The following DLGAP2 variants were observed in gnomAD, a reference collection of about 807,000 sequenced individuals.
DLGAP2 encodes DLG associated protein 2.
DLGAP2 carries 26 observed loss-of-function variants against 100.3 expected under a neutral mutation model. That is an observed-to-expected ratio of 0.26 (90% CI 0.19 to 0.36). The LOEUF is 0.36. Ranked by LOEUF, DLGAP2 falls within the 10% of genes least tolerant of loss-of-function variation. DLGAP2 has a pLI of 1.00. For missense variants in DLGAP2, 1,858 were observed against 1,453.2 expected (o/e 1.28, Z -4.53); for synonymous variants, 886 against 630.1 (o/e 1.41, Z -6.08).
chr8:1,041,386 C>T (rs531463100), intron 2 of DLGAP2, among the ~76,000 whole-genome samples: 5 of 152,322 alleles, frequency 3.3e-5, no homozygotes, highest in East Asian at 1.9e-4. Flanking sequence ...TGTCGACATC[C>T]GCCCTGGCCA....
intron 2 of DLGAP2, among the ~76,000 whole-genome samples, chr8:1,254,788 C>T (rs1310578770): frequency 6.6e-6 from 1 of 151,352 alleles, no homozygotes; most frequent in Non-Finnish European, 1.5e-5. Context: ...ATTTTAGCTT[C>T]CCTGGCCCAC....
intron 1 of DLGAP2, among the ~76,000 whole-genome samples, chr8:897,496 T>C (rs1272147615): frequency 2.6e-5 from 4 of 152,352 alleles, no homozygotes; most frequent in Admixed American, 6.5e-5. Flanking sequence ...TTGTGCAGAC[T>C]AGCTGGACGT....
At chr8:1,697,768 T>C (rs1364077209) in intron 14 of DLGAP2, among the ~76,000 whole-genome samples, 1 of 152,196 alleles carries the variant, frequency 6.6e-6, no homozygotes, top group Non-Finnish European at 1.5e-5. Flanking sequence ...CAAGGCGACA[T>C]TTTATACCTT....
chr8:1,392,709 G>A (rs180964147), intron 3 of DLGAP2, among the ~76,000 whole-genome samples: 9 of 152,220 alleles, frequency 5.9e-5, no homozygotes, highest in Admixed American at 3.3e-4. Context: ...GCACATCTGC[G>A]TTTCAGTGGA....
intron 2 of DLGAP2, among the ~76,000 whole-genome samples, chr8:1,257,607 C>T (rs375158928): frequency 1.3e-5 from 2 of 152,190 alleles, no homozygotes; most frequent in African/African-American, 2.4e-5. Context: ...CTGTGGGCCC[C>T]GGGCTGTCAC....
intron 1 of DLGAP2, among the ~76,000 whole-genome samples, chr8:868,229 T>G (rs1054161121): frequency 2.6e-5 from 4 of 152,212 alleles, no homozygotes; most frequent in Admixed American, 1.3e-4. Context: ...TTTTTGTCTG[T>G]CCTGTGGGGT....
chr8:877,615 G>C (rs1394432278), intron 1 of DLGAP2, among the ~76,000 whole-genome samples: 1 of 152,206 alleles, frequency 6.6e-6, no homozygotes, highest in Non-Finnish European at 1.5e-5. Flanking sequence ...TTTGATACTT[G>C]CTTTGACACA....
At chr8:1,581,305 G>T (rs12549834) in intron 6 of DLGAP2, among the ~76,000 whole-genome samples, 66,966 of 135,330 alleles carry the variant, frequency 0.49, 15,298 homozygotes, top group African/African-American at 0.58. Flanking sequence ...CACACACATC[G>T]ACACAACACA....
chr8:1,581,159 GAGA>G (rs1388880997), intron 6 of DLGAP2, among the ~76,000 whole-genome samples: 11 of 148,514 alleles, frequency 7.4e-5, no homozygotes, highest in African/African-American at 2.7e-4. Context: ...ACTACCAGAA[GAGA>G]AGGATACAGA....
intron 2 of DLGAP2, among the ~76,000 whole-genome samples, chr8:1,040,339 G>GGTGTGCGTGGTCGGCTCA (rs1802300797): frequency 1.4e-5 from 2 of 147,536 alleles, no homozygotes; most frequent in Non-Finnish European, 3.0e-5. Context: ...TGGTCAGCTC[G>GGTGTGCGTGGTCGGCTCA]GTGTGCGTGG....
At chr8:1,191,257 A>G (rs1441258192) in intron 2 of DLGAP2, among the ~76,000 whole-genome samples, 100 of 134,400 alleles carry the variant, frequency 7.4e-4, no homozygotes, top group East Asian at 1.1e-3. Flanking sequence ...CTGCAGCTCC[A>G]CCTCCCGGGT....
At chr8:1,633,260 A>G (rs908410975) in intron 8 of DLGAP2, among the ~76,000 whole-genome samples, 1 of 152,218 alleles carries the variant, frequency 6.6e-6, no homozygotes, top group Non-Finnish European at 1.5e-5. Flanking sequence ...AAATCTACTC[A>G]TTAGCAAGTT....
chr8:1,010,358 C>T (rs1000954753), intron 2 of DLGAP2, among the ~76,000 whole-genome samples: 52 of 151,816 alleles, frequency 3.4e-4, no homozygotes, highest in Admixed American at 2.2e-3. Context: ...CATGCACACA[C>T]GCACTCATTC....
At chr8:846,528 C>G (rs778459281) in intron 1 of DLGAP2, among the ~76,000 whole-genome samples, 13 of 152,178 alleles carry the variant, frequency 8.5e-5, no homozygotes, top group Non-Finnish European at 1.5e-4. Context: ...TTTATCCATT[C>G]ATCTTTTGGC....
At chr8:1,079,446 T>A (rs1410826287) in intron 2 of DLGAP2, among the ~76,000 whole-genome samples, 1 of 152,206 alleles carries the variant, frequency 6.6e-6, no homozygotes, top group Non-Finnish European at 1.5e-5. Context: ...TCAAAAAAAA[T>A]TAAAGTCAGA....
chr8:1,104,012 A>C (rs1048619715), intron 2 of DLGAP2, among the ~76,000 whole-genome samples: 184 of 152,314 alleles, frequency 1.2e-3, no homozygotes, highest in African/African-American at 4.2e-3. Context: ...GCATCACAAG[A>C]ACACAAAGCG....
rs115331432 is a variant in DLGAP2 at position 1,083,431 on chromosome 8, G to A, written c.74-175420G>A. On this transcript the variant is annotated intron_variant, in intron 2 of 14. Transcript: ENST00000637795. ...TTAGGAAGTAACCAGATCTTACGGG[G>A]GGTTTGAAGTCATTTTAACTTTTAT... 6.7e-3 allele frequency among the ~76,000 whole-genome samples: 1,020 copies of A among 152,234 alleles called. 14 individuals are homozygous for A. Among genetic ancestry groups the A allele is most frequent in the African/African-American group, 0.022 (922 of 41,528 alleles).
intron 7 of DLGAP2, 68 bp downstream of exon 7, chr8:1,626,955 G>A (rs763425348): frequency 5.3e-6 from 8 of 1,522,236 alleles, no homozygotes; most frequent in Non-Finnish European, 7.1e-6. Context: ...GGAGGCCCCG[G>A]CCGCATAGGT....
At chr8:952,325 C>G (rs1009127109) in intron 2 of DLGAP2, among the ~76,000 whole-genome samples, 2 of 152,182 alleles carry the variant, frequency 1.3e-5, no homozygotes, top group Non-Finnish European at 2.9e-5. Context: ...GTTTATGTCT[C>G]TTGATGTTTA....
Sources: allele counts gnomAD v4.1 joint callset (sites outside exome capture counted in the v4.1 genomes callset), GRCh38; gene constraint gnomAD v4.1.1; transcripts MANE v1.5; gene names NCBI Gene and HGNC (gene_info 2026-07-23, HGNC 2026-07-21).